Variants in SGCZ observed in about 807,000 individuals in gnomAD.
The protein encoded by SGCZ is sarcoglycan zeta, also known as zeta-sarcoglycan.
A neutral mutation model predicts 41.3 loss-of-function variants in SGCZ; 40 were observed. The observed-to-expected ratio is 0.97, with a 90% CI of 0.75 to 1.26. The LOEUF is 1.26. Among genes scored for constraint, SGCZ ranks in the 50% most tolerant of loss-of-function variants. SGCZ has a pLI of 0.00. For missense variants in SGCZ, 552 were observed against 369.8 expected (o/e 1.49, Z -4.04); for synonymous variants, 206 against 137.5 (o/e 1.50, Z -3.49).
chr8:14,755,059 T>A (rs1219445000), intron 1 of SGCZ, among the ~76,000 whole-genome samples: 1 of 152,058 alleles, frequency 6.6e-6, no homozygotes, highest in Non-Finnish European at 1.5e-5. Flanking sequence ...TTAATGGTAG[T>A]TTTTAGGTTT....
At chr8:14,202,120 C>T (rs914427992) in intron 4 of SGCZ, among the ~76,000 whole-genome samples, 1 of 152,106 alleles carries the variant, frequency 6.6e-6, no homozygotes, top group African/African-American at 2.4e-5. Flanking sequence ...GCTGGATAAT[C>T]CCAATGTCAT....
chr8:15,226,140 T>C lies in SGCZ; in HGVS notation c.39+11445A>G, dbSNP rs527311425. ...GAGTACTAATATGCAGCTCAGAAAT[T>C]CAAATATCTTGGCCTGTCTTCCTTG... On this transcript the variant is annotated intron_variant, in intron 1 of 7. Coordinates refer to ENST00000382080, the MANE Select transcript of SGCZ (RefSeq NM_139167.4). Among the ~76,000 whole-genome samples, 26 of 152,290 alleles carry C rather than the reference T, an allele frequency of 1.7e-4. 1 individual carries two copies. In the South Asian group the frequency reaches 5.4e-3, roughly 32 times the overall value.
At position 14,987,939 on chromosome 8, in the gene SGCZ, T is replaced by C. The variant is rs181004471; in HGVS notation, c.39+249646A>G. 5.7e-3 allele frequency among the ~76,000 whole-genome samples: 861 copies of C among 152,090 alleles called. 6 individuals carry two copies. The highest frequency in any genetic ancestry group is 8.0e-3 in the Non-Finnish European group (546 of 67,884). The stretch of plus-strand genomic sequence containing the variant: ...AAATTTTGTCAGTGTCGTCTCAATG[T>C]CAAGTAATTCACAAGTAAAACACAG... On this transcript the variant is annotated intron_variant, in intron 1 of 7. Transcript: ENST00000382080.
chr8:14,406,006 A>G (rs1012529110), intron 2 of SGCZ, among the ~76,000 whole-genome samples: 6 of 152,162 alleles, frequency 3.9e-5, no homozygotes, highest in Non-Finnish European at 8.8e-5. Flanking sequence ...AGCCAAATAC[A>G]TTCAGCTATT....
At position 14,656,959 on chromosome 8, in the gene SGCZ, G is replaced by A. The variant is rs76493806; in HGVS notation, c.40-102033C>T. Among the ~76,000 whole-genome samples the A allele has an allele frequency of 5.8e-3, 876 of 151,824 alleles. 22 individuals are homozygous for A. The highest frequency in any genetic ancestry group is 0.042 in the Admixed American group (645 of 15,228). On this transcript the variant is annotated intron_variant, in intron 1 of 7. Coordinates refer to ENST00000382080, the MANE Select transcript of SGCZ (RefSeq NM_139167.4). ...ATAAAAATGAACTAAATCAATCGAA[G>A]AAGACATATAAACTCTATTATATGT...
At chr8:14,219,663 C>T (rs1157301587) in intron 4 of SGCZ, among the ~76,000 whole-genome samples, 2 of 152,020 alleles carry the variant, frequency 1.3e-5, no homozygotes, top group Non-Finnish European at 2.9e-5. Context: ...AGGAGAATCA[C>T]TTGTACTTGG....
intron 2 of SGCZ, among the ~76,000 whole-genome samples, chr8:14,330,544 C>T (rs1007255559): frequency 3.7e-4 from 56 of 151,728 alleles, no homozygotes; most frequent in Admixed American, 2.8e-3. Context: ...TTCAAACCTA[C>T]GATTTAAGAA....
At chr8:14,783,360 G>T (rs1042510355) in intron 1 of SGCZ, among the ~76,000 whole-genome samples, 11 of 151,852 alleles carry the variant, frequency 7.2e-5, no homozygotes, top group Admixed American at 6.6e-4. Context: ...CTTGAACCCG[G>T]TAGGTGGAAG....
chr8:14,291,896 T>C (rs573419830), intron 3 of SGCZ, among the ~76,000 whole-genome samples: 6 of 152,142 alleles, frequency 3.9e-5, no homozygotes, highest in South Asian at 2.1e-4. Context: ...TTTTACTCTA[T>C]GATTCGCATT....
chr8:14,090,564 G>T lies in SGCZ; in HGVS notation c.818C>A (p.Ser273Tyr). 1 of 1,613,044 alleles carries T rather than the reference G, an allele frequency of 6.2e-7. No homozygotes were observed. The highest frequency in any genetic ancestry group is 8.5e-7 in the Non-Finnish European group (1 of 1,179,452). The change falls in exon 8 of 8, where the codon TCC (serine) becomes TAC (tyrosine). Residue 273 changes from serine to tyrosine, a missense_variant. Transcript: ENST00000382080. ...TGSFSSSSPS[S>Y]SSSRQTVYEL... ...ATACACTGTCTGTCGAGAACTTGAG[G>T]AGCTGGGTGAAGAAGATGAGAAGGA... is the stretch of plus-strand genomic sequence containing the variant.
At chr8:14,719,315 C>T (rs1194061715) in intron 1 of SGCZ, among the ~76,000 whole-genome samples, 35 of 149,826 alleles carry the variant, frequency 2.3e-4, no homozygotes, top group South Asian at 2.1e-4. Context: ...AATAAACATA[C>T]GTGTGCATGT....
chr8:14,827,236 C>CTTTTTTTTTTT (rs36071307), intron 1 of SGCZ, among the ~76,000 whole-genome samples: 12 of 122,314 alleles, frequency 9.8e-5, no homozygotes, highest in Non-Finnish European at 1.5e-4. Flanking sequence ...CTTTTCTTTT[C>CTTTTTTTTTTT]TTTTTTTTTT....
intron 1 of SGCZ, among the ~76,000 whole-genome samples, chr8:15,231,094 C>T (rs542150000): frequency 1.2e-4 from 18 of 152,274 alleles, no homozygotes; most frequent in Middle Eastern, 3.4e-3. Context: ...ACTTTGCATG[C>T]TTCTGAATTC....
At chr8:15,005,463 C>G (rs1483947371) in intron 1 of SGCZ, among the ~76,000 whole-genome samples, 3 of 151,638 alleles carry the variant, frequency 2.0e-5, no homozygotes, top group African/African-American at 7.3e-5. Flanking sequence ...TCCCGAGTAG[C>G]TGCCATTACA....
chr8:14,711,033 G>A (rs916007152), intron 1 of SGCZ, among the ~76,000 whole-genome samples: 1 of 152,066 alleles, frequency 6.6e-6, no homozygotes, highest in African/African-American at 2.4e-5. Flanking sequence ...CCCTTTTAAT[G>A]ACAATAAAAG....
intron 1 of SGCZ, among the ~76,000 whole-genome samples, chr8:15,148,260 G>A (rs1030250740): frequency 8.5e-5 from 13 of 152,190 alleles, no homozygotes; most frequent in African/African-American, 9.7e-5. Flanking sequence ...CAATATTGGG[G>A]AAATAGTAGT....
At chr8:14,768,273 G>C (rs1800108541) in intron 1 of SGCZ, among the ~76,000 whole-genome samples, 1 of 152,172 alleles carries the variant, frequency 6.6e-6, no homozygotes, top group Non-Finnish European at 1.5e-5. Flanking sequence ...AAGAGGCTGT[G>C]TTCTTCCATT....
intron 3 of SGCZ, among the ~76,000 whole-genome samples, chr8:14,297,952 C>A (rs1024106982): frequency 6.6e-6 from 1 of 151,090 alleles, no homozygotes; most frequent in African/African-American, 2.4e-5. Flanking sequence ...AATGAAGTTA[C>A]AAAACATTCT....
At chr8:14,939,791 T>C (rs906644114) in intron 1 of SGCZ, among the ~76,000 whole-genome samples, 4 of 152,064 alleles carry the variant, frequency 2.6e-5, no homozygotes, top group Non-Finnish European at 4.4e-5. Context: ...TTCTACAATT[T>C]CCACTCACAC....
Sources: gnomAD v4.1 joint callset for allele counts (sites outside exome capture counted in the v4.1 genomes callset) on GRCh38, gnomAD v4.1.1 for gene constraint, MANE v1.5 for transcripts, NCBI Gene and HGNC (gene_info 2026-07-23, HGNC 2026-07-21) for gene names.